PCDHGC3: variants seen among roughly 807,000 people sequenced by gnomAD.
PCDHGC3 encodes protocadherin gamma subfamily C, 3, also known as protocadherin gamma-C3.
A neutral mutation model predicts 59.2 loss-of-function variants in PCDHGC3; 26 were observed. The observed-to-expected ratio is 0.44, with a 90% CI of 0.32 to 0.61. The LOEUF (loss-of-function observed/expected upper bound fraction) is 0.61, where lower values mean the gene tolerates loss of function less well. Ranked by LOEUF, PCDHGC3 falls within the 20% of genes least tolerant of loss-of-function variation. The pLI is 0.05. For missense variants in PCDHGC3, 1,080 were observed against 1,221.8 expected (o/e 0.88, Z 1.73); for synonymous variants, 487 against 519.7 (o/e 0.94, Z 0.86).
intron 2 of PCDHGC3, among the ~76,000 whole-genome samples, chr5:141,496,206 A>C (rs2099766963): frequency 6.6e-6 from 1 of 152,126 alleles, no homozygotes; most frequent in South Asian, 2.1e-4. Context: ...TCAATCTGGT[A>C]TGAATTCCTG....
intron 2 of PCDHGC3, among the ~76,000 whole-genome samples, chr5:141,503,088 C>T (rs1003234288): frequency 4.0e-5 from 6 of 151,864 alleles, no homozygotes; most frequent in Admixed American, 1.3e-4. Context: ...CTCCTGACCT[C>T]GTGGTCTGCC....
chr5:141,476,831 G>C lies in PCDHGC3; in HGVS notation c.715G>C (p.Asp239His), dbSNP rs779348525. ...PIHIKVLDAN[D>H]NAPVFNQSLY... is the part of the protein sequence containing the mutation. ...TCACATCAAGGTGCTGGACGCGAAT[G>C]ACAATGCGCCTGTCTTCAACCAGTC... Residue 239 changes from aspartate to histidine, a missense_variant, in exon 1 of 4, where the codon GAC becomes CAC. By Grantham distance (81) the Asp-to-His change is moderately conservative. Transcript: ENST00000308177. This position sits in a 1 kb window ranked among gnomAD's most constrained non-coding sequence, Gnocchi z 7.6. 1 of 1,613,504 alleles carries C rather than the reference G, an allele frequency of 6.2e-7. No homozygotes were observed. Among genetic ancestry groups the C allele is most frequent in the Non-Finnish European group, 8.5e-7 (1 of 1,180,050 alleles).
chr5:141,504,752 A>G (rs1194764381), intron 2 of PCDHGC3, among the ~76,000 whole-genome samples: 23 of 151,894 alleles, frequency 1.5e-4, no homozygotes, highest in Non-Finnish European at 3.2e-4. Flanking sequence ...TGAATTTTAG[A>G]AATTTCTTCT....
rs747917835 is a variant in PCDHGC3 at position 141,487,659 on chromosome 5, AT to A, written c.2431-7147del. 3.7e-6 allele frequency: 6 copies of A among 1,613,466 alleles called. No homozygotes were observed. Among genetic ancestry groups the A allele is most frequent in the Non-Finnish European group, 5.1e-6 (6 of 1,179,716 alleles). On this transcript the variant is annotated intron_variant, in intron 1 of 3. Coordinates refer to ENST00000308177, the MANE Select transcript of PCDHGC3 (RefSeq NM_002588.4). This position sits in a 1 kb window ranked among gnomAD's most constrained non-coding sequence, Gnocchi z 5.0. ...CAACAAATGCTTGAGGGTTATTCTGATCCAGGCATATGGCTAGGCCATGTCC... is the reference window on the plus strand; with the variant it reads ...CAACAAATGCTTGAGGGTTATTCTGACCAGGCATATGGCTAGGCCATGTCC...
Position 141,477,872 on chromosome 5 carries a change from G to A in PCDHGC3, c.1756G>A (p.Ala586Thr). The stretch of plus-strand genomic sequence containing the variant: ...GGAGATGCTGCCTCGAGGTACCTCA[G>A]CTGGCCACCTAGTGTCACGGGTGGT... Reference protein sequence around the residue: ...SVEMLPRGTSAGHLVSRVVGW... With the variant: ...SVEMLPRGTSTGHLVSRVVGW... The change falls in exon 1 of 4, where the codon GCT becomes ACT. Residue 586 changes from alanine (A) to threonine (T), a missense_variant. Coordinates refer to ENST00000308177, the MANE Select transcript of PCDHGC3 (RefSeq NM_002588.4). This position sits in a 1 kb window ranked among gnomAD's most constrained non-coding sequence, Gnocchi z 4.9. The A allele has an allele frequency of 6.2e-7, 1 of 1,614,180 alleles. No individual in the cohort carries two copies. Among genetic ancestry groups the A allele is most frequent in the African/African-American group, 1.3e-5 (1 of 75,058 alleles).
chr5:141,492,007 C>A, intron 1 of PCDHGC3: 1 of 629,072 alleles, frequency 1.6e-6, no homozygotes, highest in Non-Finnish European at 2.6e-6. Flanking sequence ...GCGATTTCCG[C>A]GGGTGTCGGG....
Position 141,484,647 on chromosome 5 carries a change from G to A in PCDHGC3, c.2430+6101G>A, listed in dbSNP as rs556711906. Among the ~76,000 whole-genome samples, 104 of 152,066 alleles carry A rather than the reference G, an allele frequency of 6.8e-4. 3 individuals carry two copies. Among genetic ancestry groups the A allele is most frequent in the East Asian group, 1.2e-3 (6 of 5,166 alleles). ...TGAACAAAGTGACCACTCTCCAATG[G>A]CTACTCTCCCTCTCAGTGGGCCGCA... On this transcript the variant is annotated intron_variant, in intron 1 of 3. Transcript: ENST00000308177.
At chr5:141,478,717 C>T (rs1381812771) in intron 1 of PCDHGC3, 171 bp downstream of exon 1, 1 of 1,545,032 alleles carries the variant, frequency 6.5e-7, no homozygotes, top group South Asian at 1.2e-5. Context: ...GAGATGGTGG[C>T]CTGCCAGAGT....
At position 141,489,664 on chromosome 5, in the gene PCDHGC3, A is replaced by G. The variant is rs745597010; in HGVS notation, c.2431-5143A>G. On this transcript the variant is annotated intron_variant, in intron 1 of 3. Transcript: ENST00000308177. The surrounding 1 kb of genome is among the most constrained non-coding windows in gnomAD (Gnocchi z 4.5). ...TGCCACCCCTGAGCGAGAGATGCGCATCTCAGAATCAGCAGCATCTGGGGC... is the reference window on the plus strand; with the variant it reads ...TGCCACCCCTGAGCGAGAGATGCGCGTCTCAGAATCAGCAGCATCTGGGGC... 1 of 1,614,106 alleles carries G rather than the reference A, an allele frequency of 6.2e-7. No homozygotes were observed. The highest frequency in any genetic ancestry group is 8.5e-7 in the Non-Finnish European group (1 of 1,180,050).
At chr5:141,509,376 C>A (rs2099876528) in intron 3 of PCDHGC3, among the ~76,000 whole-genome samples, 1 of 152,122 alleles carries the variant, frequency 6.6e-6, no homozygotes, top group African/African-American at 2.4e-5. Flanking sequence ...TTAACTGTCT[C>A]CTAACCACAG....
rs2099450974 is a variant in PCDHGC3 at position 141,478,361 on chromosome 5, G to A, written c.2245G>A (p.Gly749Arg). 6 of 1,613,776 alleles carry A rather than the reference G, an allele frequency of 3.7e-6. No individual in the cohort carries two copies. The East Asian group carries it at 1.3e-4, about 36-fold the overall frequency. ...GPSLHADAVR[G>R]GLMSPHLYHQ... ...CTCCTTGCACGCGGACGCCGTGCGGGGAGGCCTGATGTCGCCGCACCTTTA... is the reference window on the plus strand; with the variant it reads ...CTCCTTGCACGCGGACGCCGTGCGGAGAGGCCTGATGTCGCCGCACCTTTA... The change falls in exon 1 of 4, where the codon GGA (glycine) becomes AGA (arginine). Residue 749 changes from glycine to arginine, a missense_variant. Coordinates refer to ENST00000308177, the MANE Select transcript of PCDHGC3 (RefSeq NM_002588.4).
At position 141,478,487 on chromosome 5, in the gene PCDHGC3, A is replaced by G. The variant is rs1593917832; in HGVS notation, c.2371A>G (p.Ser791Gly). ...GGCCAGCCGCCAGAACACGCTGCGG[A>G]GCTGTGATCCGGTGTTCTATAGGCA... ...PLASRQNTLRSCDPVFYRQVL... is the reference protein window; with the variant it reads ...PLASRQNTLRGCDPVFYRQVL... The change falls in exon 1 of 4, where the codon AGC becomes GGC. Residue 791 changes from serine (S) to glycine (G), a missense_variant. Ser to Gly is a moderately conservative substitution (Grantham distance 56). Transcript: ENST00000308177. 1 of 1,613,454 alleles carries G rather than the reference A, an allele frequency of 6.2e-7. No homozygotes were observed. Among genetic ancestry groups the G allele is most frequent in the South Asian group, 1.1e-5 (1 of 91,064 alleles).
At chr5:141,499,331 TCA>T (rs2099791249) in intron 2 of PCDHGC3, among the ~76,000 whole-genome samples, 1 of 152,220 alleles carries the variant, frequency 6.6e-6, no homozygotes, top group African/African-American at 2.4e-5. Context: ...CTGCTCTCTC[TCA>T]GTTTGGGCAG....
Position 141,511,151 on chromosome 5 carries a change from C to T in PCDHGC3, c.2783C>T (p.Ser928Leu), listed in dbSNP as rs202071188. The T allele has an allele frequency of 3.0e-5, 49 of 1,614,152 alleles. No individual in the cohort carries two copies. The highest frequency in any genetic ancestry group is 2.6e-4 in the South Asian group (24 of 91,066). The change falls in exon 4 of 4, where the codon TCG becomes TTG. Residue 928 changes from serine (S) to leucine (L), a missense_variant. Ser to Leu is a moderately radical substitution (Grantham distance 145, BLOSUM62 -2). Coordinates refer to ENST00000308177, the MANE Select transcript of PCDHGC3 (RefSeq NM_002588.4). ...GGTGGCAATGGCAACAAGAAGAAGT[C>T]GGGCAAGAAGGAGAAGAAGTAACAT... ...PAGGNGNKKK[S>L]GKKEKK
rs1482322150 is a variant in PCDHGC3, at chr5:141,485,119, C to T, written c.2430+6573C>T. On this transcript the variant is annotated intron_variant, in intron 1 of 3. Transcript: ENST00000308177. This position sits in a 1 kb window ranked among gnomAD's most constrained non-coding sequence, Gnocchi z 5.7. ...CTCCAGCTGCTGTGGCTGTTTGGGGCGGGTCGGCTTCATCCGCGTCTCAGG... is the reference window on the plus strand; with the variant it reads ...CTCCAGCTGCTGTGGCTGTTTGGGGTGGGTCGGCTTCATCCGCGTCTCAGG... 9.8e-6 allele frequency: 13 copies of T among 1,328,806 alleles called. No individual in the cohort carries two copies. The East Asian group carries it at 1.8e-4, about 19-fold the overall frequency. 82.3% of individuals were successfully genotyped at this position (1,328,806 alleles called of 1,614,324 possible). A position where few individuals can be genotyped will look rare whatever the true frequency, so the allele number is the denominator to read the frequency against.
In PCDHGC3 at chr5:141,511,346, C is replaced by T; in HGVS notation, c.*173C>T. 7.1e-7 allele frequency: 1 copy of T among 1,400,168 alleles called. No homozygotes were observed. The allele number at this position is 1,400,168 out of a possible 1,614,324, so 86.7% of individuals were successfully genotyped here. A position where few individuals can be genotyped will look rare whatever the true frequency, so the allele number is the denominator to read the frequency against. On this transcript the variant is annotated 3_prime_UTR_variant, in exon 4 of 4. Transcript: ENST00000308177. ...AGTGCCCAGTCAGCACCTACCCCTT[C>T]CCCCCCAGGGGGTTGAATATGCAAA...
intron 2 of PCDHGC3, among the ~76,000 whole-genome samples, chr5:141,504,926 TGGTG>T (rs1312481961): frequency 1.3e-5 from 2 of 151,946 alleles, no homozygotes; most frequent in Non-Finnish European, 2.9e-5. Context: ...GGCTCTCTCA[TGGTG>T]GGTGGGGGAA....
Position 141,476,201 on chromosome 5 carries a change from G to C in PCDHGC3, c.85G>C (p.Ala29Pro). Reference protein sequence around the residue: ...VLLLLGALNKASTVIHYEIPE... With the variant: ...VLLLLGALNKPSTVIHYEIPE... ...GCTTCTGCTTGGTGCCTTGAACAAG[G>C]CTTCCACGGTCATTCACTATGAGAT... is the stretch of plus-strand genomic sequence containing the variant. Residue 29 changes from alanine to proline, a missense_variant, in exon 1 of 4, where the codon GCT becomes CCT. Physicochemically the swap from Ala to Pro is conservative, Grantham distance 27. Coordinates refer to ENST00000308177, the MANE Select transcript of PCDHGC3 (RefSeq NM_002588.4). This position sits in a 1 kb window ranked among gnomAD's most constrained non-coding sequence, Gnocchi z 7.6. 6.2e-7 allele frequency: 1 copy of C among 1,613,986 alleles called. No individual in the cohort carries two copies. The highest frequency in any genetic ancestry group is 8.5e-7 in the Non-Finnish European group (1 of 1,180,028).
In PCDHGC3 at chr5:141,485,569, T is replaced by C; in HGVS notation, c.2430+7023T>C. The C allele has an allele frequency of 6.2e-7, 1 of 1,612,664 alleles. No individual in the cohort carries two copies. Among genetic ancestry groups the C allele is most frequent in the Non-Finnish European group, 8.5e-7 (1 of 1,178,890 alleles). ...TAGATGTGAATGATCACGCCCCCCG[T>C]TTTCCGCGGCAGCAGCTGGACTTGG... On this transcript the variant is annotated intron_variant, in intron 1 of 3. Coordinates refer to ENST00000308177, the MANE Select transcript of PCDHGC3 (RefSeq NM_002588.4). This position sits in a 1 kb window ranked among gnomAD's most constrained non-coding sequence, Gnocchi z 5.7.
Sources: gnomAD v4.1 joint callset for allele counts (sites outside exome capture counted in the v4.1 genomes callset) on GRCh38, gnomAD v4.1.1 for gene constraint, Gnocchi (gnomAD v3.1) non-coding constraint, MANE v1.5 for transcripts, NCBI Gene and HGNC (gene_info 2026-07-23, HGNC 2026-07-21) for gene names.